CEP85L: variants seen among roughly 807,000 people sequenced by gnomAD.
CEP85L encodes the protein centrosomal protein 85L.
A neutral mutation model predicts 100.3 loss-of-function variants in CEP85L; 60 were observed. That is an observed-to-expected ratio of 0.60 (90% CI 0.49 to 0.74). CEP85L has a LOEUF of 0.74. Among genes scored for constraint, CEP85L ranks in the 30% least tolerant of loss-of-function variants. The pLI is 0.00. For synonymous variants in CEP85L, 319 were observed against 322.7 expected, an observed-to-expected ratio of 0.99 and a Z score of 0.12; for missense variants, 973 against 936.2, an observed-to-expected ratio of 1.04 and a Z score of -0.51.
rs2114353302 is a variant in CEP85L at position 118,461,807 on chromosome 6, A to G, written c.*3598T>C. 1 of 152,184 alleles carries G rather than the reference A, an allele frequency of 6.6e-6. No homozygotes were observed. Among genetic ancestry groups the G allele is most frequent in the East Asian group, 1.9e-4 (1 of 5,190 alleles). The allele number at this position is 152,184 out of a possible 1,614,324, so 9.4% of individuals were successfully genotyped here. A position where few individuals can be genotyped will look rare whatever the true frequency, so the allele number is the denominator to read the frequency against. On this transcript the variant is annotated 3_prime_UTR_variant, in exon 13 of 13. Coordinates refer to ENST00000368491, the MANE Select transcript of CEP85L (RefSeq NM_001042475.3). The stretch of plus-strand genomic sequence containing the variant: ...TGGCAGTTTCAAATGATATAGTCTG[A>G]GTGAGCATGGTTATGAAAATTGCTT...
chr6:118,644,063 A>T (rs970059578), intron 1 of CEP85L, among the ~76,000 whole-genome samples: 5 of 152,228 alleles, frequency 3.3e-5, no homozygotes, highest in Admixed American at 2.6e-4. Context: ...ATCAATCCTT[A>T]TGCAATAAAG....
At chr6:118,505,732 G>A (rs1353209029) in intron 5 of CEP85L, among the ~76,000 whole-genome samples, 1 of 152,074 alleles carries the variant, frequency 6.6e-6, no homozygotes, top group Non-Finnish European at 1.5e-5. Flanking sequence ...GGTTGCTAGG[G>A]GTCCAATGGG....
Position 118,651,429 on chromosome 6 carries a change from A to C in CEP85L, c.-160T>G. ...AACGGCTGCTCAGCTACGGGCGGGG[A>C]GCGCAGGGGCCAGATTCGCCGCACT... On this transcript the variant is annotated 5_prime_UTR_variant, in exon 1 of 13. Transcript: ENST00000368491. 1 of 1,337,428 alleles carries C rather than the reference A, an allele frequency of 7.5e-7. No homozygotes were observed. The highest frequency in any genetic ancestry group is 9.5e-7 in the Non-Finnish European group (1 of 1,048,230). The allele number at this position is 1,337,428 out of a possible 1,614,324, so 82.8% of individuals were successfully genotyped here. A position where few individuals can be genotyped will look rare whatever the true frequency, so the allele number is the denominator to read the frequency against.
At chr6:118,600,080 TAAAC>T (rs1177169269) in intron 2 of CEP85L, among the ~76,000 whole-genome samples, 1 of 147,582 alleles carries the variant, frequency 6.8e-6, no homozygotes, top group Non-Finnish European at 1.5e-5. Context: ...TTGATATAAA[TAAAC>T]AATTAAATAA....
chr6:118,502,223 C>A, intron 5 of CEP85L: 3 of 671,864 alleles, frequency 4.5e-6, no homozygotes, highest in South Asian at 3.7e-5. Context: ...CCCTGGAGTT[C>A]TTATGTACCG....
At chr6:118,656,602 G>A (rs1034952072), upstream of CEP85L, among the ~76,000 whole-genome samples, 7 of 152,128 alleles carry the variant, frequency 4.6e-5, no homozygotes, top group Admixed American at 6.5e-5. Flanking sequence ...GTGCCTGTAG[G>A]ACCTGCCTCA....
chr6:118,482,203 A>G (rs184165542), intron 7 of CEP85L, among the ~76,000 whole-genome samples: 1 of 152,288 alleles, frequency 6.6e-6, no homozygotes, highest in Admixed American at 6.5e-5. Flanking sequence ...AATTTATTTT[A>G]CTTTTATTGT....
At chr6:118,707,744 T>C (rs566055217) in intron 1 of CEP85L, among the ~76,000 whole-genome samples, 1 of 152,284 alleles carries the variant, frequency 6.6e-6, no homozygotes, top group East Asian at 1.9e-4. Context: ...TATTTAAACA[T>C]GTGCAAACTT....
chr6:118,538,461 G>A (rs980116310), intron 3 of CEP85L, among the ~76,000 whole-genome samples: 6 of 151,882 alleles, frequency 4.0e-5, no homozygotes, highest in Non-Finnish European at 7.4e-5. Flanking sequence ...GGAACTCAAA[G>A]TATTTCTGAT....
At chr6:118,682,451 A>G (rs1776696327) in intron 1 of CEP85L, among the ~76,000 whole-genome samples, 1 of 151,988 alleles carries the variant, frequency 6.6e-6, no homozygotes, top group Admixed American at 6.6e-5. Flanking sequence ...TAAGTACCCG[A>G]GTGGATTATA....
At chr6:118,511,172 T>A in intron 5 of CEP85L, 126 bp downstream of exon 5, 1 of 665,938 alleles carries the variant, frequency 1.5e-6, no homozygotes. Flanking sequence ...GCCACACATA[T>A]AAATAAATAT....
chr6:118,651,381 G>T lies in CEP85L; in HGVS notation c.-112C>A. 1 of 1,361,230 alleles carries T rather than the reference G, an allele frequency of 7.3e-7. No homozygotes were observed. 84.3% of individuals were successfully genotyped at this position (1,361,230 alleles called of 1,614,324 possible). ...GCGTGGGCCTCGGCGACACGGGCAG[G>T]AGGAAAGGCGGGATGGCTGGTTAAC... On this transcript the variant is annotated 5_prime_UTR_variant, in exon 1 of 13. Coordinates refer to ENST00000368491, the MANE Select transcript of CEP85L (RefSeq NM_001042475.3).
At chr6:118,480,112 T>C (rs1203208658) in intron 9 of CEP85L, among the ~76,000 whole-genome samples, 191 bp from the exon 10 acceptor site, 1 of 152,092 alleles carries the variant, frequency 6.6e-6, no homozygotes, top group Non-Finnish European at 1.5e-5. Flanking sequence ...TAGTTCTCAA[T>C]AAAAGTTTTC....
chr6:118,607,787 C>CG (rs1274564961), intron 2 of CEP85L, among the ~76,000 whole-genome samples: 11 of 152,172 alleles, frequency 7.2e-5, no homozygotes, highest in African/African-American at 2.2e-4. Flanking sequence ...TCCTTTGGGT[C>CG]GGGGGTCTCA....
At chr6:118,610,503 C>T (rs11153761) in intron 2 of CEP85L, among the ~76,000 whole-genome samples, 107,715 of 151,952 alleles carry the variant, frequency 0.71, 38,897 homozygotes, top group African/African-American at 0.75. Context: ...TGAGTAGTAA[C>T]AAGGCAACCC....
chr6:118,627,635 T>G (rs112773418), intron 2 of CEP85L, among the ~76,000 whole-genome samples: 1 of 152,224 alleles, frequency 6.6e-6, no homozygotes, highest in African/African-American at 2.4e-5. Context: ...GACCCCGTCA[T>G]AGGGAGACTA....
chr6:118,515,084 C>T lies in CEP85L; in HGVS notation c.1140-3669G>A, dbSNP rs933307140. ...CCTCAACTTCTTGGTGTTGGAATTACAGATGTGCGCCAACTTGCCAGGCCA... is the reference window on the plus strand; with the variant it reads ...CCTCAACTTCTTGGTGTTGGAATTATAGATGTGCGCCAACTTGCCAGGCCA... On this transcript the variant is annotated intron_variant, in intron 4 of 12. Coordinates refer to ENST00000368491, the MANE Select transcript of CEP85L (RefSeq NM_001042475.3). Among the ~76,000 whole-genome samples the T allele has an allele frequency of 1.1e-4, 16 of 151,924 alleles. 1 individual carries two copies. The highest frequency in any genetic ancestry group is 1.5e-5 in the Non-Finnish European group (1 of 67,998).
At chr6:118,501,758 A>C in intron 5 of CEP85L, 1 of 905,930 alleles carries the variant, frequency 1.1e-6, no homozygotes, top group East Asian at 2.6e-5. Context: ...ACTTGAAAGC[A>C]GAAAGACAGA....
intron 1 of CEP85L, among the ~76,000 whole-genome samples, chr6:118,696,045 C>T (rs112798119): frequency 0.036 from 5,464 of 152,118 alleles, 164 homozygotes; most frequent in Middle Eastern, 0.12. Context: ...CCGAGACAGG[C>T]GGATCACCTG....
Sources: allele counts gnomAD v4.1 joint callset (sites outside exome capture counted in the v4.1 genomes callset), GRCh38; gene constraint gnomAD v4.1.1; transcripts MANE v1.5; gene names NCBI Gene and HGNC (gene_info 2026-07-23, HGNC 2026-07-21).